The following CTNNA2 variants were observed in gnomAD, a reference collection of about 807,000 sequenced individuals.
CTNNA2 encodes the protein catenin alpha-2.
CTNNA2 carries 42 observed loss-of-function variants against 101.0 expected under a neutral mutation model. That is an observed-to-expected ratio of 0.42 (90% confidence interval 0.32 to 0.54). The LOEUF (loss-of-function observed/expected upper bound fraction) is 0.54. Among genes scored for constraint, CTNNA2 ranks in the 20% least tolerant of loss-of-function variants. The pLI, the probability that CTNNA2 is intolerant of heterozygous loss-of-function variation, is 0.14. For synonymous variants in CTNNA2, 450 were observed against 456.4 expected (o/e 0.99, Z 0.18); for missense variants, 871 against 1,223.1 (o/e 0.71, Z 4.29).
At chr2:79,328,791 A>G (rs1676805485) in intron 3 of CTNNA2, among the ~76,000 whole-genome samples, 1 of 152,292 alleles carries the variant, frequency 6.6e-6, no homozygotes, top group Non-Finnish European at 1.5e-5. Flanking sequence ...AAACACATAA[A>G]TTGATTCTCT....
At chr2:80,239,578 G>C (rs970966453) in intron 7 of CTNNA2, among the ~76,000 whole-genome samples, 1 of 151,594 alleles carries the variant, frequency 6.6e-6, no homozygotes, top group African/African-American at 2.4e-5. Context: ...TTTATAAATC[G>C]GGTACAGTAA....
At chr2:79,851,617 A>G (rs1003146946) in intron 3 of CTNNA2, among the ~76,000 whole-genome samples, 4 of 152,192 alleles carry the variant, frequency 2.6e-5, no homozygotes, top group Non-Finnish European at 5.9e-5. Flanking sequence ...TACATGTGAA[A>G]AAGGTTGTTA....
chr2:79,733,972 T>G (rs1687362154), intron 2 of CTNNA2, among the ~76,000 whole-genome samples: 2 of 152,178 alleles, frequency 1.3e-5, no homozygotes, highest in Non-Finnish European at 2.9e-5. Flanking sequence ...GTGTCTATTG[T>G]GCTTTCAGAT....
chr2:79,976,834 C>T (rs1263891666), intron 7 of CTNNA2, among the ~76,000 whole-genome samples: 2 of 152,164 alleles, frequency 1.3e-5, no homozygotes, highest in Non-Finnish European at 2.9e-5. Flanking sequence ...ATGCAGAGAA[C>T]AGCAATCATA....
intron 13 of CTNNA2, among the ~76,000 whole-genome samples, chr2:80,580,422 G>A (rs62151961): frequency 0.029 from 4,358 of 152,122 alleles, 75 homozygotes; most frequent in Non-Finnish European, 0.034. Flanking sequence ...AATTTGTAAC[G>A]TGAATAAACT....
chr2:80,216,378 C>G (rs765379589), intron 7 of CTNNA2, among the ~76,000 whole-genome samples: 1 of 152,302 alleles, frequency 6.6e-6, no homozygotes, highest in Admixed American at 6.5e-5. Context: ...TTCTTTTCAG[C>G]AGGCACAGCA....
chr2:79,835,792 C>A (rs1679319343), intron 3 of CTNNA2, among the ~76,000 whole-genome samples: 1 of 140,964 alleles, frequency 7.1e-6, no homozygotes, highest in Non-Finnish European at 1.5e-5. Flanking sequence ...GCCACCATAC[C>A]CAGCTAATTT....
intron 7 of CTNNA2, among the ~76,000 whole-genome samples, chr2:80,028,638 C>T (rs1217262542): frequency 6.6e-6 from 1 of 152,136 alleles, no homozygotes; most frequent in East Asian, 1.9e-4. Context: ...GAATTATGGT[C>T]ACTAATCAGC....
chr2:79,316,650 C>T (rs1676504450), intron 3 of CTNNA2, among the ~76,000 whole-genome samples: 1 of 151,478 alleles, frequency 6.6e-6, no homozygotes, highest in Non-Finnish European at 1.5e-5. Flanking sequence ...TAAATTTATT[C>T]CTAAACATTT....
At chr2:79,400,609 A>T (rs566001002) in intron 4 of CTNNA2, among the ~76,000 whole-genome samples, 10 of 152,144 alleles carry the variant, frequency 6.6e-5, no homozygotes, top group Admixed American at 5.9e-4. Context: ...AAGGTCAAAA[A>T]GAAAATATAA....
At chr2:80,230,816 T>C (rs550316242) in intron 7 of CTNNA2, among the ~76,000 whole-genome samples, 1 of 152,328 alleles carries the variant, frequency 6.6e-6, no homozygotes, top group South Asian at 2.1e-4. Context: ...AAGCTTGCTC[T>C]ACCTTTGTAC....
At chr2:79,900,843 T>G (rs1685024162) in intron 6 of CTNNA2, among the ~76,000 whole-genome samples, 1 of 152,190 alleles carries the variant, frequency 6.6e-6, no homozygotes, top group Non-Finnish European at 1.5e-5. Context: ...ATGCTTGAGG[T>G]GATGGACACC....
intron 7 of CTNNA2, among the ~76,000 whole-genome samples, chr2:80,260,748 A>G (rs1391700883): frequency 1.3e-5 from 2 of 152,204 alleles, no homozygotes; most frequent in Non-Finnish European, 1.5e-5. Flanking sequence ...CCCACGTCAC[A>G]TGTTAAAATA....
chr2:79,961,432 A>C (rs939317306), intron 7 of CTNNA2, among the ~76,000 whole-genome samples: 2 of 152,162 alleles, frequency 1.3e-5, no homozygotes, highest in African/African-American at 4.8e-5. Context: ...AGTGGGAAAG[A>C]GCTCTGAAAC....
chr2:79,412,370 G>A (rs1333934012), intron 4 of CTNNA2, among the ~76,000 whole-genome samples: 5 of 151,918 alleles, frequency 3.3e-5, no homozygotes, highest in Non-Finnish European at 7.4e-5. Context: ...CCCAGGAATT[G>A]AACTCAGCTC....
intron 7 of CTNNA2, among the ~76,000 whole-genome samples, chr2:80,049,277 A>C (rs1170425455): frequency 6.6e-6 from 1 of 152,128 alleles, no homozygotes; most frequent in Non-Finnish European, 1.5e-5. Context: ...CTGGAATTGA[A>C]TCTTGGCTCT....
At chr2:79,991,255 T>C (rs1260388105) in intron 7 of CTNNA2, among the ~76,000 whole-genome samples, 1 of 152,204 alleles carries the variant, frequency 6.6e-6, no homozygotes, top group Non-Finnish European at 1.5e-5. Context: ...TGGAGACTAG[T>C]ACTTAGAGTC....
chr2:80,099,670 C>T (rs570305246), intron 7 of CTNNA2, among the ~76,000 whole-genome samples: 3 of 151,458 alleles, frequency 2.0e-5, no homozygotes, highest in Admixed American at 6.6e-5. Flanking sequence ...AGAGAATTTT[C>T]AGCAGGTTCA....
chr2:80,041,943 G>GT (rs1284139096), intron 7 of CTNNA2, among the ~76,000 whole-genome samples: 2 of 152,090 alleles, frequency 1.3e-5, no homozygotes, highest in African/African-American at 4.8e-5. Flanking sequence ...AGTAGCTAGT[G>GT]TTTTTTCTGT....
Sources: allele counts gnomAD v4.1 joint callset (sites outside exome capture counted in the v4.1 genomes callset), GRCh38; gene constraint gnomAD v4.1.1; transcripts MANE v1.5; gene names NCBI Gene and HGNC (gene_info 2026-07-23, HGNC 2026-07-21).